Variants in PAPPA2 observed in about 807,000 individuals in gnomAD.
The protein encoded by PAPPA2 is pappalysin-2.
PAPPA2 carries 86 observed loss-of-function variants against 176.4 expected under a neutral mutation model. The ratio of observed to expected loss-of-function variants is 0.49; its 90% CI spans 0.41 to 0.58. The LOEUF is 0.58. PAPPA2 is among the 20% of genes least tolerant of loss of function. The pLI is 0.00. For missense variants in PAPPA2, 2,073 were observed against 2,256.9 expected, an observed-to-expected ratio of 0.92 and a Z score of 1.65; for synonymous variants, 809 against 852.2, an observed-to-expected ratio of 0.95 and a Z score of 0.88.
intron 7 of PAPPA2, 74 bp downstream of exon 7, chr1:176,695,933 A>G: frequency 1.3e-6 from 2 of 1,567,496 alleles, no homozygotes; most frequent in South Asian, 2.3e-5. Context: ...AGAGTGGAGT[A>G]GTGACATGGT....
intron 2 of PAPPA2, among the ~76,000 whole-genome samples, chr1:176,592,659 C>T (rs549366034): frequency 6.6e-6 from 1 of 152,194 alleles, no homozygotes; most frequent in Admixed American, 6.5e-5. Flanking sequence ...ATATGTCAAG[C>T]CTAACAATTT....
In PAPPA2 at chr1:176,665,596, T is replaced by A. The variant is rs7524625; in HGVS notation, c.1992-5374T>A. Among the ~76,000 whole-genome samples the A allele has an allele frequency of 6.2e-3, 943 of 152,328 alleles. 14 individuals carry two copies. The highest frequency in any genetic ancestry group is 0.021 in the African/African-American group (867 of 41,570). On this transcript the variant is annotated intron_variant, in intron 3 of 22. Coordinates refer to ENST00000367662, the MANE Select transcript of PAPPA2 (RefSeq NM_020318.3). ...CTATCCTGGATTTACAAATTTTTTT[T>A]ATGAAGTTTAGTTTCTTCCTAAAAA...
intron 1 of PAPPA2, among the ~76,000 whole-genome samples, chr1:176,470,295 T>C (rs951020709): frequency 2.0e-5 from 3 of 152,200 alleles, no homozygotes; most frequent in African/African-American, 4.8e-5. Flanking sequence ...GGTGGGCATC[T>C]ATTTTCAGCT....
chr1:176,665,002 AAGGAATGAGGG>A (rs1329537270), intron 3 of PAPPA2, among the ~76,000 whole-genome samples: 1 of 152,132 alleles, frequency 6.6e-6, no homozygotes, highest in African/African-American at 2.4e-5. Flanking sequence ...GAAGGAGAGC[AAGGAATGAGGG>A]AGGAATTCTG....
intron 21 of PAPPA2, among the ~76,000 whole-genome samples, chr1:176,814,441 G>C (rs906918145): frequency 6.6e-6 from 1 of 152,064 alleles, no homozygotes; most frequent in African/African-American, 2.4e-5. Flanking sequence ...TCATTTGTTT[G>C]TGTCCTCTCT....
intron 1 of PAPPA2, among the ~76,000 whole-genome samples, chr1:176,523,288 A>C (rs1417374837): frequency 1.3e-5 from 2 of 152,100 alleles, no homozygotes; most frequent in African/African-American, 4.8e-5. Context: ...CAATTTCCCA[A>C]GAAGTCTGTT....
chr1:176,818,690 T>C (rs1666511825), intron 21 of PAPPA2, among the ~76,000 whole-genome samples: 1 of 152,190 alleles, frequency 6.6e-6, no homozygotes, highest in Admixed American at 6.5e-5. Flanking sequence ...CCCCTGCCTC[T>C]TCACAGCCTA....
At chr1:176,590,009 T>C (rs1043038537) in intron 2 of PAPPA2, among the ~76,000 whole-genome samples, 1 of 152,162 alleles carries the variant, frequency 6.6e-6, no homozygotes, top group Non-Finnish European at 1.5e-5. Context: ...ACTCTATGAC[T>C]CCAATTTGTA....
intron 12 of PAPPA2, among the ~76,000 whole-genome samples, chr1:176,735,092 C>A (rs757710945): frequency 9.9e-5 from 15 of 152,116 alleles, no homozygotes; most frequent in Non-Finnish European, 1.6e-4. Flanking sequence ...CTTAAGCTTT[C>A]AGAATCCTAG....
chr1:176,594,736 C>T lies in PAPPA2; in HGVS notation c.1132C>T (p.Leu378=). 1.2e-6 allele frequency: 2 copies of T among 1,614,244 alleles called. No homozygotes were observed. The highest frequency in any genetic ancestry group is 2.2e-5 in the South Asian group (2 of 91,084). Residue 378 remains leucine (L), a synonymous_variant, in exon 3 of 23, where the codon CTG becomes TTG. Transcript: ENST00000367662. ...CACTTACGATGGACGGCACATGGCC[C>T]TGTATGTGGATGGCACTCAGGTGGC... ...AATYDGRHMA[L]YVDGTQVASS...
At chr1:176,579,277 A>G (rs61220996) in intron 2 of PAPPA2, among the ~76,000 whole-genome samples, 11,844 of 152,230 alleles carry the variant, frequency 0.078, 1,521 homozygotes, top group African/African-American at 0.27. Flanking sequence ...GGGGAACAGG[A>G]AAAAGGAGGA....
intron 8 of PAPPA2, among the ~76,000 whole-genome samples, chr1:176,700,212 G>A (rs1660589816): frequency 6.6e-6 from 1 of 152,084 alleles, no homozygotes; most frequent in South Asian, 2.1e-4. Flanking sequence ...TGCATGTTCA[G>A]TGCTGGGGGC....
rs1406326175 is a variant in PAPPA2, at chr1:176,525,883, C to A, written c.-916-29524C>A. ...CTGAATGGTTTTAGGTAATCCTCTACTTTGGAATTTTGAACCAGTTCTAGT... is the reference window on the plus strand; with the variant it reads ...CTGAATGGTTTTAGGTAATCCTCTAATTTGGAATTTTGAACCAGTTCTAGT... On this transcript the variant is annotated intron_variant, in intron 1 of 22. Transcript: ENST00000367662. Among the ~76,000 whole-genome samples, 3 of 152,196 alleles carry A rather than the reference C, an allele frequency of 2.0e-5. No homozygotes were observed. The East Asian group carries it at 5.8e-4, about 29-fold the overall frequency.
At chr1:176,665,805 A>G (rs1658609120) in intron 3 of PAPPA2, among the ~76,000 whole-genome samples, 3 of 152,216 alleles carry the variant, frequency 2.0e-5, no homozygotes. Context: ...CAGCTGGAAC[A>G]TTATTTCAGA....
chr1:176,610,076 G>C (rs1261800595), intron 3 of PAPPA2, among the ~76,000 whole-genome samples: 1 of 152,124 alleles, frequency 6.6e-6, no homozygotes, highest in African/African-American at 2.4e-5. Context: ...TAGGGAATCT[G>C]TACCCTATCT....
At chr1:176,735,743 CT>C (rs1558551570) in intron 12 of PAPPA2, among the ~76,000 whole-genome samples, 1 of 149,826 alleles carries the variant, frequency 6.7e-6, no homozygotes, top group Non-Finnish European at 1.5e-5. Context: ...TATCTATCAT[CT>C]ATCTGTCTGT....
chr1:176,771,836 G>C (rs12142383), intron 17 of PAPPA2, among the ~76,000 whole-genome samples: 10,106 of 152,212 alleles, frequency 0.066, 453 homozygotes, highest in Non-Finnish European at 0.097. Context: ...GCTTTATAAT[G>C]TAATTTAAGA....
At chr1:176,704,688 T>C (rs1660802769) in intron 9 of PAPPA2, among the ~76,000 whole-genome samples, 1 of 152,188 alleles carries the variant, frequency 6.6e-6, no homozygotes, top group South Asian at 2.1e-4. Flanking sequence ...GGCAGGTAAA[T>C]CTAATGTTCC....
intron 3 of PAPPA2, among the ~76,000 whole-genome samples, chr1:176,599,562 A>T (rs1212359085): frequency 8.9e-5 from 9 of 101,420 alleles, no homozygotes; most frequent in African/African-American, 1.5e-4. Context: ...GCTTTTATTT[A>T]CTTTTATATT....
Sources: allele counts gnomAD v4.1 joint callset (sites outside exome capture counted in the v4.1 genomes callset), GRCh38; gene constraint gnomAD v4.1.1; transcripts MANE v1.5; gene names NCBI Gene and HGNC (gene_info 2026-07-23, HGNC 2026-07-21).